CEP83: variants seen among roughly 807,000 people sequenced by gnomAD.
CEP83 encodes centrosomal protein 83, also known as centrosomal protein of 83 kDa.
In CEP83, 70 loss-of-function variants were observed where a neutral mutation model predicts 101.9. The ratio of observed to expected loss-of-function variants is 0.69; its 90% CI spans 0.57 to 0.84. The LOEUF is 0.84. Ranked by LOEUF, CEP83 falls within the 40% of genes least tolerant of loss-of-function variation. The pLI is 0.00. For missense variants in CEP83, 715 were observed against 787.2 expected, an observed-to-expected ratio of 0.91 and a Z score of 1.10; for synonymous variants, 264 against 267.9, an observed-to-expected ratio of 0.99 and a Z score of 0.14.
At chr12:94,284,422 A>G in the CEP83 span, among the ~76,000 whole-genome samples, 1 of 152,196 alleles carries the variant, frequency 6.6e-6, no homozygotes, top group Non-Finnish European at 1.5e-5. Context: ...TGGTTAGGTC[A>G]GATCTCTTCA....
At chr12:94,438,769 T>C (rs546728228) in intron 1 of CEP83, among the ~76,000 whole-genome samples, 17 of 152,336 alleles carry the variant, frequency 1.1e-4, no homozygotes, top group East Asian at 3.9e-4. Flanking sequence ...TTCTCCAAGA[T>C]AGACCACAAA....
the CEP83 span, among the ~76,000 whole-genome samples, chr12:94,288,327 T>A: frequency 6.6e-6 from 1 of 152,210 alleles, no homozygotes; most frequent in African/African-American, 2.4e-5. Flanking sequence ...CTCAGGCATC[T>A]GGGCTCTGAC....
intron 11 of CEP83, among the ~76,000 whole-genome samples, chr12:94,351,362 C>T (rs1260683403): frequency 1.3e-5 from 2 of 152,194 alleles, no homozygotes; most frequent in Non-Finnish European, 2.9e-5. Flanking sequence ...TCCCCCCACT[C>T]CCTGTGACCC....
At chr12:94,376,740 TATATA>T (rs766237416) in intron 7 of CEP83, among the ~76,000 whole-genome samples, 36 of 114,226 alleles carry the variant, frequency 3.2e-4, no homozygotes, top group East Asian at 7.5e-4. Context: ...CACATATATA[TATATA>T]TATTTTTTTT....
At chr12:94,335,349 C>T (rs1045913678) in intron 12 of CEP83, among the ~76,000 whole-genome samples, 3 of 151,870 alleles carry the variant, frequency 2.0e-5, no homozygotes, top group African/African-American at 7.2e-5. Context: ...TGGGCCACAG[C>T]ATTTAATAAA....
At chr12:94,365,923 G>A (rs2061003947) in intron 11 of CEP83, among the ~76,000 whole-genome samples, 1 of 152,020 alleles carries the variant, frequency 6.6e-6, no homozygotes, top group Non-Finnish European at 1.5e-5. Context: ...CAGTTTCCAG[G>A]GTGCACTGAT....
At chr12:94,290,110 A>G in the CEP83 span, among the ~76,000 whole-genome samples, 1 of 152,224 alleles carries the variant, frequency 6.6e-6, no homozygotes. Flanking sequence ...GTCTGACAGT[A>G]GTGAAGTACT....
intron 4 of CEP83, among the ~76,000 whole-genome samples, chr12:94,406,557 T>C (rs1319272457): frequency 6.6e-6 from 1 of 151,980 alleles, no homozygotes; most frequent in Non-Finnish European, 1.5e-5. Flanking sequence ...AAAACTTTAT[T>C]GTACAGTTAT....
the CEP83 span, among the ~76,000 whole-genome samples, chr12:94,284,007 C>T: frequency 1.3e-5 from 2 of 149,330 alleles, no homozygotes; most frequent in Non-Finnish European, 3.0e-5. Flanking sequence ...TGCTTGAACC[C>T]GGGAGGCGGA....
chr12:94,418,197 A>T (rs1023767761), intron 2 of CEP83, among the ~76,000 whole-genome samples: 77 of 152,092 alleles, frequency 5.1e-4, no homozygotes, highest in African/African-American at 1.7e-3. Flanking sequence ...CCCTGTCTCT[A>T]CTAAAAACAC....
intron 6 of CEP83, among the ~76,000 whole-genome samples, chr12:94,387,422 GA>G (rs1311061433): frequency 6.6e-6 from 1 of 152,182 alleles, no homozygotes; most frequent in African/African-American, 2.4e-5. Context: ...AATGCCTGAT[GA>G]TCTAAGGTGG....
At chr12:94,424,653 T>C in intron 2 of CEP83, 3 of 1,613,680 alleles carry the variant, frequency 1.9e-6, no homozygotes, top group Non-Finnish European at 1.7e-6. Context: ...GCTGAAGGGC[T>C]GTCAAAATCT....
chr12:94,317,758 T>C (rs544425384), intron 14 of CEP83, among the ~76,000 whole-genome samples: 7 of 152,326 alleles, frequency 4.6e-5, no homozygotes, highest in African/African-American at 1.7e-4. Flanking sequence ...TACTCTATTC[T>C]GTTCCATTGA....
chr12:94,401,178 T>C (rs2063232572), intron 5 of CEP83, 197 bp from the exon 6 acceptor site: 1 of 264,666 alleles, frequency 3.8e-6, no homozygotes, highest in South Asian at 1.6e-4. Context: ...AGTACATTCC[T>C]GAAAAGATAT....
chr12:94,436,384 T>TA (rs943918335), intron 1 of CEP83, among the ~76,000 whole-genome samples: 7 of 150,330 alleles, frequency 4.7e-5, no homozygotes, highest in South Asian at 2.1e-4. Context: ...ATATACATCA[T>TA]AAAAAAAAGA....
At chr12:94,354,844 T>A (rs1225243717) in intron 11 of CEP83, among the ~76,000 whole-genome samples, 2 of 151,926 alleles carry the variant, frequency 1.3e-5, no homozygotes, top group Admixed American at 6.6e-5. Flanking sequence ...ACCCTGTCTG[T>A]ACTAAAAATA....
downstream of CEP83, chr12:94,305,572 G>T (rs143964312): frequency 1.1e-3 from 354 of 325,692 alleles, 5 homozygotes; most frequent in East Asian, 0.019. Context: ...TGTCAGTATT[G>T]TAACTACAGT....
rs773756520 is a variant in CEP83, at chr12:94,403,269, T to C, written c.325-7A>G. ...ATTTTTGTGGAGTTAATATCTAATATGTAGAGAAATGCAAACAATATAAAA... is the reference window on the plus strand; with the variant it reads ...ATTTTTGTGGAGTTAATATCTAATACGTAGAGAAATGCAAACAATATAAAA... On this transcript the variant is annotated splice_polypyrimidine_tract_variant and splice_region_variant and intron_variant, in intron 4 of 16. Transcript: ENST00000397809. 23 of 1,154,972 alleles carry C rather than the reference T, an allele frequency of 2.0e-5. No individual in the cohort carries two copies. Among genetic ancestry groups the C allele is most frequent in the South Asian group, 1.6e-4 (13 of 80,148 alleles). The allele number at this position is 1,154,972 out of a possible 1,614,324, so 71.5% of individuals were successfully genotyped here.
At chr12:94,295,174 C>T in the CEP83 span, among the ~76,000 whole-genome samples, 1 of 152,214 alleles carries the variant, frequency 6.6e-6, no homozygotes. Context: ...CTGAGCTCCT[C>T]CCAAACAGGC....
Sources: gnomAD v4.1 joint callset for allele counts (sites outside exome capture counted in the v4.1 genomes callset) on GRCh38, gnomAD v4.1.1 for gene constraint, MANE v1.5 for transcripts, NCBI Gene and HGNC (gene_info 2026-07-23, HGNC 2026-07-21) for gene names.